Variants in PDS5A observed in about 807,000 individuals in gnomAD.
PDS5A encodes sister chromatid cohesion protein PDS5 homolog A.
PDS5A carries 42 observed loss-of-function variants against 167.1 expected under a neutral mutation model. The observed-to-expected ratio is 0.25, with a 90% CI of 0.20 to 0.33. The LOEUF (loss-of-function observed/expected upper bound fraction) is 0.33. Ranked by LOEUF, PDS5A falls within the 10% of genes least tolerant of loss-of-function variation. The pLI is 1.00. For synonymous variants in PDS5A, 553 were observed against 554.6 expected, an observed-to-expected ratio of 1.00 and a Z score of 0.04; for missense variants, 1,033 against 1,605.9, an observed-to-expected ratio of 0.64 and a Z score of 6.10.
At chr4:39,924,874 G>C (rs910230828) in intron 5 of PDS5A, among the ~76,000 whole-genome samples, 1 of 152,190 alleles carries the variant, frequency 6.6e-6, no homozygotes, top group Non-Finnish European at 1.5e-5. Flanking sequence ...CACTTTGGGA[G>C]GCCGAGGTGG....
chr4:39,962,918 C>T (rs946348322), intron 2 of PDS5A, among the ~76,000 whole-genome samples: 4 of 151,964 alleles, frequency 2.6e-5, no homozygotes, highest in African/African-American at 9.7e-5. Context: ...GCCAAGACTG[C>T]ACCACTGTGC....
At chr4:39,951,539 A>C (rs1427773888) in intron 2 of PDS5A, among the ~76,000 whole-genome samples, 1 of 152,216 alleles carries the variant, frequency 6.6e-6, no homozygotes, top group South Asian at 2.1e-4. Flanking sequence ...CAAGCATCAA[A>C]TCTTGCAGCA....
At chr4:39,953,645 C>T (rs1206572057) in intron 2 of PDS5A, among the ~76,000 whole-genome samples, 1 of 151,944 alleles carries the variant, frequency 6.6e-6, no homozygotes, top group Non-Finnish European at 1.5e-5. Context: ...GCAGGAGGAT[C>T]GCTTGAGCTG....
intron 23 of PDS5A, among the ~76,000 whole-genome samples, chr4:39,866,399 A>G (rs1385717983): frequency 1.3e-5 from 2 of 152,156 alleles, no homozygotes; most frequent in African/African-American, 2.4e-5. Flanking sequence ...TTACAGGCAT[A>G]GGCCACCGCG....
At chr4:39,957,261 C>A (rs1460116535) in intron 2 of PDS5A, among the ~76,000 whole-genome samples, 1 of 151,864 alleles carries the variant, frequency 6.6e-6, no homozygotes, top group South Asian at 2.1e-4. Flanking sequence ...TTAGGGCCAG[C>A]GTGGGGGCTC....
intron 17 of PDS5A, among the ~76,000 whole-genome samples, chr4:39,886,533 G>A (rs937000866): frequency 2.0e-5 from 3 of 151,934 alleles, no homozygotes; most frequent in Admixed American, 1.3e-4. Flanking sequence ...GACCAACATG[G>A]AGAAACCCCA....
chr4:39,967,863 C>G (rs1023440409), intron 2 of PDS5A, among the ~76,000 whole-genome samples: 1 of 151,700 alleles, frequency 6.6e-6, no homozygotes, highest in Non-Finnish European at 1.5e-5. Context: ...GGAGGCTGAG[C>G]TGAGATTGCG....
intron 2 of PDS5A, among the ~76,000 whole-genome samples, chr4:39,972,679 T>C (rs1730665270): frequency 1.0e-5 from 1 of 99,148 alleles, no homozygotes; most frequent in East Asian, 3.1e-4. Context: ...CTTTCCTTTT[T>C]TTTTTTTTCA....
At chr4:39,888,411 A>G (rs1417750787) in intron 17 of PDS5A, among the ~76,000 whole-genome samples, 3 of 152,066 alleles carry the variant, frequency 2.0e-5, no homozygotes, top group African/African-American at 7.2e-5. Context: ...CTAAAACTGG[A>G]TCTACCATAT....
chr4:39,860,460 T>C (rs994956274), intron 26 of PDS5A, among the ~76,000 whole-genome samples: 1 of 149,954 alleles, frequency 6.7e-6, no homozygotes, highest in African/African-American at 2.5e-5. Flanking sequence ...GTAAGACACT[T>C]GTCTCAAAAA....
intron 2 of PDS5A, chr4:39,973,419 G>A (rs1578859439): frequency 6.5e-7 from 1 of 1,529,266 alleles, no homozygotes; most frequent in Non-Finnish European, 9.1e-7. Context: ...GTGGAACGGT[G>A]TGGACAGCAG....
intron 2 of PDS5A, among the ~76,000 whole-genome samples, chr4:39,961,137 A>G (rs1385068743): frequency 8.5e-5 from 13 of 152,266 alleles, no homozygotes; most frequent in African/African-American, 3.1e-4. Flanking sequence ...TGTCTTCAGC[A>G]AATAAAAACT....
At chr4:39,838,510 C>T (rs1349378237) in intron 31 of PDS5A, among the ~76,000 whole-genome samples, 1 of 151,682 alleles carries the variant, frequency 6.6e-6, no homozygotes, top group Non-Finnish European at 1.5e-5. Context: ...TCGCTTGAGC[C>T]CAGGAGTTCC....
At chr4:39,833,207 A>AAAG (rs1716078142) in intron 32 of PDS5A, among the ~76,000 whole-genome samples, 1 of 148,262 alleles carries the variant, frequency 6.7e-6, no homozygotes, top group African/African-American at 2.4e-5. Context: ...AAAAAAAAAA[A>AAAG]AAAAAAAAAG....
chr4:39,971,358 G>A (rs1164607166), intron 2 of PDS5A, among the ~76,000 whole-genome samples: 1 of 151,862 alleles, frequency 6.6e-6, no homozygotes, highest in Non-Finnish European at 1.5e-5. Context: ...GATTTCACCT[G>A]TGTTAGCCAG....
intron 14 of PDS5A, 58 bp downstream of exon 14, chr4:39,900,368 C>T: frequency 9.3e-7 from 1 of 1,071,914 alleles, no homozygotes; most frequent in Non-Finnish European, 1.4e-6. Context: ...CGTAGAACTA[C>T]AGAAAATCTG....
intron 4 of PDS5A, 65 bp downstream of exon 4, chr4:39,926,705 AAAGTT>A: frequency 9.3e-7 from 1 of 1,076,484 alleles, no homozygotes; most frequent in Non-Finnish European, 1.3e-6. Context: ...TTTACATTAC[AAAGTT>A]AACATGAAGA....
At chr4:39,951,591 T>C (rs531848186) in intron 2 of PDS5A, among the ~76,000 whole-genome samples, 5 of 144,932 alleles carry the variant, frequency 3.4e-5, no homozygotes, top group African/African-American at 9.7e-5. Context: ...GCAACAACAG[T>C]TGGAGCACTC....
At chr4:39,874,772 C>G (rs1387377035) in intron 19 of PDS5A, among the ~76,000 whole-genome samples, 1 of 152,174 alleles carries the variant, frequency 6.6e-6, no homozygotes, top group East Asian at 1.9e-4. Context: ...CTTTTATAAT[C>G]CCCTTCAGTT....
Sources: gnomAD v4.1 joint callset for allele counts (sites outside exome capture counted in the v4.1 genomes callset) on GRCh38, gnomAD v4.1.1 for gene constraint, MANE v1.5 for transcripts, NCBI Gene and HGNC (gene_info 2026-07-23, HGNC 2026-07-21) for gene names.